ZDHHC24: variants seen among roughly 807,000 people sequenced by gnomAD.
ZDHHC24 encodes probable palmitoyltransferase ZDHHC24.
Under a neutral mutation model 23.2 loss-of-function variants are expected in ZDHHC24, and 17 were observed. That is an observed-to-expected ratio of 0.73 (90% CI 0.50 to 1.10). ZDHHC24 has a LOEUF of 1.10. Ranked by LOEUF, ZDHHC24 falls within the 50% of genes least tolerant of loss-of-function variation. ZDHHC24 has a pLI of 0.00. For synonymous variants in ZDHHC24, 186 were observed against 194.5 expected, an observed-to-expected ratio of 0.96 and a Z score of 0.36; for missense variants, 366 against 393.0, an observed-to-expected ratio of 0.93 and a Z score of 0.58.
intron 3 of ZDHHC24, chr11:66,527,135 G>T: frequency 1.1e-6 from 1 of 913,954 alleles, no homozygotes; most frequent in Non-Finnish European, 1.7e-6. Flanking sequence ...CCAACACTTT[G>T]GCAGAGGTGG....
chr11:66,545,994 G>A lies in ZDHHC24; in HGVS notation c.10C>T (p.Pro4Ser), dbSNP rs754730633. 7.1e-7 allele frequency: 1 copy of A among 1,405,548 alleles called. No individual in the cohort carries two copies. The highest frequency in any genetic ancestry group is 9.1e-7 in the Non-Finnish European group (1 of 1,092,950). 87.1% of individuals were successfully genotyped at this position (1,405,548 alleles called of 1,614,324 possible). A position where few individuals can be genotyped will look rare whatever the true frequency, so the allele number is the denominator to read the frequency against. The part of the protein sequence containing the change: MGQ[P>S]WAAGSTDGAP... ...CCGTCCGTGCTCCCAGCCGCCCAGG[G>A]CTGCCCCATGGCCTGGACACCCAGC... The change falls in exon 1 of 3, where the codon CCC becomes TCC. Residue 4 changes from proline to serine, a missense_variant. Coordinates refer to ENST00000310442, the MANE Select transcript of ZDHHC24 (RefSeq NM_207340.3). This position sits in a 1 kb window ranked among gnomAD's most constrained non-coding sequence, Gnocchi z 4.5.
At chr11:66,522,265 A>G (rs189104566) in intron 4 of ZDHHC24, among the ~76,000 whole-genome samples, 45 of 151,988 alleles carry the variant, frequency 3.0e-4, no homozygotes, top group African/African-American at 1.1e-3. Flanking sequence ...AAAATTTCCC[A>G]TATTTGTTAC....
chr11:66,529,308 G>GT (rs1421391577), intron 3 of ZDHHC24: 2 of 1,536,078 alleles, frequency 1.3e-6, no homozygotes, highest in African/African-American at 2.7e-5. Context: ...GACGGAGGCA[G>GT]GACCATGAGG....
intron 4 of ZDHHC24, chr11:66,523,769 A>T: frequency 6.2e-7 from 1 of 1,613,132 alleles, no homozygotes; most frequent in Non-Finnish European, 8.5e-7. Context: ...CATCCTGACC[A>T]TGAACCTCCT....
intron 4 of ZDHHC24, chr11:66,526,033 CT>C: frequency 8.9e-7 from 1 of 1,125,782 alleles, no homozygotes; most frequent in Non-Finnish European, 1.4e-6. Context: ...CACTTCTCAC[CT>C]ATTATATCTG....
In ZDHHC24 at chr11:66,529,316, AG is replaced by A. The variant is rs1157717943; in HGVS notation, c.731del (p.Pro244LeufsTer7). The A allele has an allele frequency of 6.5e-7, 1 of 1,536,152 alleles. No homozygotes were observed. The highest frequency in any genetic ancestry group is 1.4e-5 in the African/African-American group (1 of 73,022). On this transcript the variant is annotated frameshift_variant, in exon 3 of 5. Coordinates refer to the ZDHHC24 transcript ENST00000526986. LOFTEE classifies it high-confidence loss of function. ...AGGCAGTGACGGAGGCAGGACCATGAGGCTGGTTTCCGCAGCATTGAGCCTG... is the reference window on the plus strand; with the variant it reads ...AGGCAGTGACGGAGGCAGGACCATGAGCTGGTTTCCGCAGCATTGAGCCTG...
chr11:66,543,622 C>T (rs1167242957), intron 2 of ZDHHC24, 82 bp downstream of exon 2: 30 of 1,451,148 alleles, frequency 2.1e-5, no homozygotes, highest in Non-Finnish European at 2.6e-5. Flanking sequence ...CCAGAAAGCC[C>T]GTCTCCCACC....
chr11:66,521,929 C>T (rs1237944342), intron 4 of ZDHHC24, among the ~76,000 whole-genome samples: 1 of 107,020 alleles, frequency 9.3e-6, no homozygotes, highest in Non-Finnish European at 1.9e-5. Flanking sequence ...AAAAAAAAAG[C>T]AGGGGGGTGC....
Position 66,545,876 on chromosome 11 carries a change from G to A in ZDHHC24, c.128C>T (p.Pro43Leu). The change falls in exon 1 of 3, where the codon CCG becomes CTG. Residue 43 changes from proline to leucine, a missense_variant. Transcript: ENST00000310442. This position sits in a 1 kb window ranked among gnomAD's most constrained non-coding sequence, Gnocchi z 4.5. Reference sequence around the variant, plus strand: ...CCGGGCCAGGGGTCCCAGCGGCGGCGGCCCGGGACCGAGCACCAGCACGTA... The same window carrying A: ...CCGGGCCAGGGGTCCCAGCGGCGGCAGCCCGGGACCGAGCACCAGCACGTA... ...LAYVLVLGPG[P>L]PPLGPLARAL... 1 of 1,545,792 alleles carries A rather than the reference G, an allele frequency of 6.5e-7. No individual in the cohort carries two copies. The highest frequency in any genetic ancestry group is 1.2e-5 in the South Asian group (1 of 85,236).
In ZDHHC24 at chr11:66,535,629, A is replaced by G. The variant is rs1856944089; in HGVS notation, c.*3900T>C. Among the ~76,000 whole-genome samples the G allele has an allele frequency of 6.6e-6, 1 of 152,210 alleles. No homozygotes were observed. The highest frequency in any genetic ancestry group is 1.5e-5 in the Non-Finnish European group (1 of 68,050). ...TCCAATTTAAAAAGGCATGATCTTT[A>G]TGGGAAAAGGTACACAACTTTATTG... On this transcript the variant is annotated 3_prime_UTR_variant, in exon 3 of 3. Coordinates refer to ENST00000310442, the MANE Select transcript of ZDHHC24 (RefSeq NM_207340.3).
exon 5 of ZDHHC24, chr11:66,521,370 T>C: frequency 6.2e-7 from 1 of 1,613,930 alleles, no homozygotes; most frequent in Non-Finnish European, 8.5e-7. Context: ...ATCTATATTC[T>C]GAGAAGGTAG....
intron 2 of ZDHHC24, among the ~76,000 whole-genome samples, chr11:66,540,465 C>T (rs1289147638): frequency 1.3e-5 from 2 of 149,432 alleles, no homozygotes; most frequent in African/African-American, 2.5e-5. Flanking sequence ...CGCGATGGCT[C>T]GTGCCTGTAA....
At chr11:66,523,005 CTG>C in intron 4 of ZDHHC24, 3 of 384,458 alleles carry the variant, frequency 7.8e-6, no homozygotes, top group Non-Finnish European at 1.5e-5. Flanking sequence ...GAGGAACTAA[CTG>C]TACTTTCTGG....
chr11:66,534,999 TCTC>T (rs1317285431), downstream of ZDHHC24, among the ~76,000 whole-genome samples: 4 of 152,120 alleles, frequency 2.6e-5, no homozygotes, highest in Non-Finnish European at 5.9e-5. Flanking sequence ...CTCAAGTGAT[TCTC>T]CTCCATCAGA....
At chr11:66,541,633 A>T (rs1233071790) in intron 2 of ZDHHC24, among the ~76,000 whole-genome samples, 1 of 152,060 alleles carries the variant, frequency 6.6e-6, no homozygotes, top group African/African-American at 2.4e-5. Context: ...AGCACGGGGA[A>T]ATCGGTTCTT....
intron 1 of ZDHHC24, among the ~76,000 whole-genome samples, 195 bp from the exon 2 acceptor site, chr11:66,544,176 G>T (rs1857241852): frequency 6.6e-6 from 1 of 152,154 alleles, no homozygotes; most frequent in Non-Finnish European, 1.5e-5. Context: ...CAGGTCTGAG[G>T]TCTCTTCCAG....
At chr11:66,529,626 C>G (rs1856677364) in intron 2 of ZDHHC24, 1 of 718,510 alleles carries the variant, frequency 1.4e-6, no homozygotes, top group South Asian at 1.6e-5. Flanking sequence ...TGAGAAGAGG[C>G]AGGGCGAGGC....
At chr11:66,534,122 T>C (rs1444348527), downstream of ZDHHC24, among the ~76,000 whole-genome samples, 1 of 148,466 alleles carries the variant, frequency 6.7e-6, no homozygotes, top group East Asian at 2.0e-4. Context: ...TGAGCTGAGA[T>C]TGTGCCACTG....
At chr11:66,540,141 G>T (rs754375611) in intron 2 of ZDHHC24, among the ~76,000 whole-genome samples, 5 of 152,182 alleles carry the variant, frequency 3.3e-5, no homozygotes, top group Non-Finnish European at 7.3e-5. Context: ...TTCTTGGCTG[G>T]ATGCGGTGGC....
Sources: allele counts gnomAD v4.1 joint callset (sites outside exome capture counted in the v4.1 genomes callset), GRCh38; gene constraint gnomAD v4.1.1; non-coding constraint Gnocchi (gnomAD v3.1); transcripts MANE v1.5; gene names NCBI Gene and HGNC (gene_info 2026-07-23, HGNC 2026-07-21).